Variants in SLC17A1 observed in about 807,000 individuals in gnomAD.
SLC17A1 encodes the protein solute carrier family 17 member 1.
Under a neutral mutation model 53.5 loss-of-function variants are expected in SLC17A1, and 51 were observed. The ratio of observed to expected loss-of-function variants is 0.95; its 90% confidence interval spans 0.76 to 1.20. The LOEUF (loss-of-function observed/expected upper bound fraction) is 1.20, where lower values mean the gene tolerates loss of function less well. Among genes scored for constraint, SLC17A1 ranks in the 50% most tolerant of loss-of-function variants. SLC17A1 has a pLI of 0.00. For missense variants in SLC17A1, 538 were observed against 568.2 expected (o/e 0.95, Z 0.54); for synonymous variants, 179 against 198.8 (o/e 0.90, Z 0.84).
chr6:25,789,612 A>C (rs1763458312), intron 12 of SLC17A1, among the ~76,000 whole-genome samples: 1 of 152,224 alleles, frequency 6.6e-6, no homozygotes, highest in African/African-American at 2.4e-5. Flanking sequence ...TGAGAAGAAC[A>C]CAGGGACATC....
At chr6:25,776,205 G>C in the SLC17A1 span, among the ~76,000 whole-genome samples, 2 of 151,964 alleles carry the variant, frequency 1.3e-5, no homozygotes, top group Non-Finnish European at 2.9e-5. Context: ...TCTCACCATA[G>C]TTTTACTTTG....
intron 12 of SLC17A1, among the ~76,000 whole-genome samples, chr6:25,783,720 C>A (rs997655058): frequency 6.6e-6 from 1 of 152,094 alleles, no homozygotes; most frequent in Non-Finnish European, 1.5e-5. Context: ...ACCAAATTCC[C>A]ATTCTTTGTA....
chr6:25,789,165 C>G (rs1763448406), intron 12 of SLC17A1, among the ~76,000 whole-genome samples: 1 of 152,074 alleles, frequency 6.6e-6, no homozygotes, highest in African/African-American at 2.4e-5. Context: ...GGACTGATTT[C>G]AGGGCTTGGT....
chr6:25,814,843 G>T (rs1350522069), intron 6 of SLC17A1, among the ~76,000 whole-genome samples: 1 of 151,956 alleles, frequency 6.6e-6, no homozygotes, highest in Non-Finnish European at 1.5e-5. Flanking sequence ...AAAATTAGCC[G>T]GGCGTAGCTA....
chr6:25,732,644 CG>C, the SLC17A1 span: 16 of 1,270,780 alleles, frequency 1.3e-5, no homozygotes, highest in Non-Finnish European at 1.8e-5. Context: ...GCAACGCCGT[CG>C]GAACAAGAAG....
At chr6:25,777,991 C>T, downstream of SLC17A1, 1 of 1,612,700 alleles carries the variant, frequency 6.2e-7, no homozygotes. Context: ...ATCTCTCCTA[C>T]TGCTGCTGGA....
chr6:25,755,048 TAC>T, the SLC17A1 span, among the ~76,000 whole-genome samples: 11,630 of 144,846 alleles, frequency 0.08, 626 homozygotes, highest in African/African-American at 0.16. Context: ...CACACACACA[TAC>T]ACACACACAC....
chr6:25,776,909 C>A, the SLC17A1 span: 1 of 1,613,764 alleles, frequency 6.2e-7, no homozygotes. Context: ...CTGCCATCAG[C>A]AGCTTCTGTG....
In SLC17A1 at chr6:25,808,266, T is replaced by C. The variant is rs1349299442; in HGVS notation, c.1178+3132A>G. Among the ~76,000 whole-genome samples the C allele has an allele frequency of 7.9e-5, 12 of 152,110 alleles. No homozygotes were observed. In the South Asian group the frequency reaches 2.5e-3, roughly 32 times the overall value. ...GTTTGCCACCAAATGCCATATGTTT[T>C]TCACTTATAAGTGGGAGCTAAGCTA... On this transcript the variant is annotated intron_variant, in intron 10 of 12. Transcript: ENST00000244527.
At chr6:25,775,085 T>C in the SLC17A1 span, among the ~76,000 whole-genome samples, 1,477 of 152,220 alleles carry the variant, frequency 9.7e-3, 12 homozygotes, top group Non-Finnish European at 0.014. Context: ...ATCCCAACAC[T>C]TTGGGAGGAT....
the SLC17A1 span, among the ~76,000 whole-genome samples, chr6:25,776,043 GT>G: frequency 6.6e-6 from 1 of 151,988 alleles, no homozygotes; most frequent in Admixed American, 6.6e-5. Flanking sequence ...GAGTCAAAGG[GT>G]AAATGCACTA....
At chr6:25,726,051 T>C in the SLC17A1 span, 1 of 1,326,564 alleles carries the variant, frequency 7.5e-7, no homozygotes, top group Non-Finnish European at 1.0e-6. Context: ...GTACAGCCTT[T>C]TTCTGAGACG....
In SLC17A1 at chr6:25,826,528, A is replaced by G. The variant is rs1448064185; in HGVS notation, c.140T>C (p.Met47Thr). 1.9e-6 allele frequency: 3 copies of G among 1,612,730 alleles called. No homozygotes were observed. Among genetic ancestry groups the G allele is most frequent in the East Asian group, 2.2e-5 (1 of 44,828 alleles). Reference protein sequence around the residue: ...RACLNLTMVVMVNSTDPHGLP... With the variant: ...RACLNLTMVVTVNSTDPHGLP... ...ACCATGTGGATCTGTGCTATTCACC[A>G]TGACTACCATTGTGAGGTTCAGGCA... The change falls in exon 3 of 13, where the codon ATG (methionine) becomes ACG (threonine). Residue 47 changes from methionine (M) to threonine (T), a missense_variant. By Grantham distance (81) the Met-to-Thr change is moderately conservative. Transcript: ENST00000244527.
chr6:25,726,008 G>A, the SLC17A1 span: 7 of 850,486 alleles, frequency 8.2e-6, no homozygotes, highest in East Asian at 5.0e-5. Flanking sequence ...AGGCAAGTAA[G>A]ATGGCTGGTT....
chr6:25,790,135 T>G (rs187522322), intron 12 of SLC17A1, among the ~76,000 whole-genome samples: 2 of 152,280 alleles, frequency 1.3e-5, no homozygotes, highest in East Asian at 3.9e-4. Flanking sequence ...AAAATAGAAT[T>G]GCATTTTGAT....
At chr6:25,808,434 G>C (rs1764034181) in intron 10 of SLC17A1, among the ~76,000 whole-genome samples, 1 of 151,792 alleles carries the variant, frequency 6.6e-6, no homozygotes, top group African/African-American at 2.4e-5. Flanking sequence ...TAAAATCTTA[G>C]ACATCACCAC....
chr6:25,731,961 C>CTTTTGT, the SLC17A1 span: 1 of 1,597,420 alleles, frequency 6.3e-7, no homozygotes, highest in Non-Finnish European at 8.5e-7. Context: ...AAAAATGTCA[C>CTTTTGT]TAACAAAAGA....
At chr6:25,778,012 G>C (rs141773129), downstream of SLC17A1, 2 of 1,596,064 alleles carry the variant, frequency 1.3e-6, no homozygotes, top group African/African-American at 2.7e-5. Context: ...TTTTTCATCA[G>C]TCAGGTGAGG....
the SLC17A1 span, chr6:25,776,526 T>C: frequency 6.5e-7 from 1 of 1,531,570 alleles, no homozygotes; most frequent in African/African-American, 1.4e-5. Context: ...GGACAGTCTG[T>C]CCAAGGTTGT....
Sources: gnomAD v4.1 joint callset for allele counts (sites outside exome capture counted in the v4.1 genomes callset) on GRCh38, gnomAD v4.1.1 for gene constraint, MANE v1.5 for transcripts, NCBI Gene and HGNC (gene_info 2026-07-23, HGNC 2026-07-21) for gene names.